ASTN2: variants seen among roughly 807,000 people sequenced by gnomAD.
ASTN2 encodes astrotactin 2, also known as astrotactin-2.
ASTN2 carries 54 observed loss-of-function variants against 139.8 expected under a neutral mutation model. The observed-to-expected ratio is 0.39, with a 90% CI of 0.31 to 0.48. ASTN2 has a LOEUF of 0.48. ASTN2 is among the 20% of genes least tolerant of loss of function. The probability of loss-of-function intolerance (pLI) is 0.95; values close to 1 mark genes in which losing one functional copy is unlikely to be tolerated. For synonymous variants in ASTN2, 756 were observed against 719.5 expected (o/e 1.05, Z -0.81); for missense variants, 1,565 against 1,725.1 (o/e 0.91, Z 1.64).
intron 3 of ASTN2, among the ~76,000 whole-genome samples, chr9:117,149,015 T>TTATTTC (rs1830266423): frequency 6.6e-6 from 1 of 151,634 alleles, no homozygotes; most frequent in Non-Finnish European, 1.5e-5. Context: ...AATTTTAAAT[T>TTATTTC]TATTTTTATT....
At chr9:117,170,969 C>T (rs1326495605) in intron 3 of ASTN2, among the ~76,000 whole-genome samples, 1 of 152,076 alleles carries the variant, frequency 6.6e-6, no homozygotes, top group African/African-American at 2.4e-5. Context: ...TGTGACAGGG[C>T]AGCATGGTTC....
intron 10 of ASTN2, among the ~76,000 whole-genome samples, chr9:116,869,322 C>T (rs1423416615): frequency 6.6e-6 from 1 of 152,168 alleles, no homozygotes; most frequent in Non-Finnish European, 1.5e-5. Context: ...CTGGTGAACA[C>T]AAATTTTGGG....
chr9:117,180,725 T>C (rs1831041356), intron 3 of ASTN2: 1 of 1,594,784 alleles, frequency 6.3e-7, no homozygotes, highest in African/African-American at 1.3e-5. Flanking sequence ...GCCCGCCACT[T>C]GTCCAGAGGG....
At chr9:116,608,805 CCCAGAA>C (rs1300494830) in intron 19 of ASTN2, among the ~76,000 whole-genome samples, 1 of 151,984 alleles carries the variant, frequency 6.6e-6, no homozygotes, top group Non-Finnish European at 1.5e-5. Flanking sequence ...TTTAAACTGA[CCCAGAA>C]CTGATCCAGT....
At chr9:116,463,504 C>T (rs148440452) in intron 20 of ASTN2, among the ~76,000 whole-genome samples, 1 of 152,302 alleles carries the variant, frequency 6.6e-6, no homozygotes, top group African/African-American at 2.4e-5. Context: ...ATGCCATTGT[C>T]CCTCAGCCTA....
chr9:117,140,455 GA>G (rs201934229), intron 4 of ASTN2, among the ~76,000 whole-genome samples: 19 of 149,736 alleles, frequency 1.3e-4, no homozygotes, highest in East Asian at 3.9e-4. Flanking sequence ...TGAGTAGATA[GA>G]AAAAAAAATG....
At chr9:117,139,704 C>G (rs562288894) in intron 4 of ASTN2, among the ~76,000 whole-genome samples, 3 of 152,168 alleles carry the variant, frequency 2.0e-5, no homozygotes, top group Admixed American at 2.0e-4. Context: ...TCAAATAACT[C>G]TCTGTCTAGC....
chr9:116,965,626 C>T (rs1180615542), intron 10 of ASTN2, among the ~76,000 whole-genome samples: 1 of 152,198 alleles, frequency 6.6e-6, no homozygotes, highest in Non-Finnish European at 1.5e-5. Flanking sequence ...ACTCCCTCAA[C>T]TTTCCTCATT....
At position 116,464,379 on chromosome 9, in the gene ASTN2, T is replaced by A. The variant is rs188256982; in HGVS notation, c.3498-21826A>T. Among the ~76,000 whole-genome samples, 435 of 152,170 alleles carry A rather than the reference T, an allele frequency of 2.9e-3. 4 individuals carry two copies. Among genetic ancestry groups the A allele is most frequent in the African/African-American group, 9.5e-3 (395 of 41,542 alleles). On this transcript the variant is annotated intron_variant, in intron 20 of 22. Coordinates refer to ENST00000313400, the MANE Select transcript of ASTN2 (RefSeq NM_001365068.1). ...TGTTTGCTATTCACTAATTGTGATT[T>A]GAACACAATAGCATCATCTCTCTAG...
intron 2 of ASTN2, among the ~76,000 whole-genome samples, chr9:117,240,528 G>A (rs896232383): frequency 1.3e-5 from 2 of 152,322 alleles, no homozygotes; most frequent in East Asian, 1.9e-4. Flanking sequence ...ACAGGAGAAA[G>A]ACATAAGATT....
At chr9:116,845,757 T>C (rs911708507) in intron 11 of ASTN2, among the ~76,000 whole-genome samples, 1 of 152,116 alleles carries the variant, frequency 6.6e-6, no homozygotes, top group African/African-American at 2.4e-5. Context: ...ATTGGAGCCC[T>C]TGCACACTCT....
intron 1 of ASTN2, among the ~76,000 whole-genome samples, chr9:117,309,271 T>G (rs1420197367): frequency 6.6e-6 from 1 of 152,224 alleles, no homozygotes; most frequent in Non-Finnish European, 1.5e-5. Context: ...TGCCACTGGC[T>G]GCATCTACTA....
At chr9:117,167,189 T>G (rs551301973) in intron 3 of ASTN2, among the ~76,000 whole-genome samples, 18 of 152,274 alleles carry the variant, frequency 1.2e-4, no homozygotes, top group Admixed American at 1.1e-3. Flanking sequence ...TATATTGATT[T>G]GTCTATAATG....
chr9:116,705,406 A>C (rs1347985716), intron 16 of ASTN2, among the ~76,000 whole-genome samples: 1 of 152,186 alleles, frequency 6.6e-6, no homozygotes, highest in East Asian at 1.9e-4. Flanking sequence ...TTACTAACTC[A>C]CTGAAATCTT....
At chr9:116,758,502 C>A (rs1465796095) in intron 13 of ASTN2, among the ~76,000 whole-genome samples, 1 of 152,118 alleles carries the variant, frequency 6.6e-6, no homozygotes, top group Non-Finnish European at 1.5e-5. Flanking sequence ...TTATTTTGGA[C>A]ATTATTGACA....
At chr9:116,862,531 C>T (rs1179331579) in intron 11 of ASTN2, among the ~76,000 whole-genome samples, 1 of 152,156 alleles carries the variant, frequency 6.6e-6, no homozygotes, top group African/African-American at 2.4e-5. Context: ...GAAAGATGTT[C>T]ACTTGTTTGC....
chr9:116,598,775 G>C (rs1854716480), intron 19 of ASTN2, among the ~76,000 whole-genome samples: 1 of 152,220 alleles, frequency 6.6e-6, no homozygotes. Flanking sequence ...TGCTAGGAGA[G>C]GATGGATAAT....
intron 1 of ASTN2, among the ~76,000 whole-genome samples, chr9:117,301,060 TGGCAAG>T (rs1306188728): frequency 1.3e-5 from 2 of 152,168 alleles, no homozygotes; most frequent in African/African-American, 4.8e-5. Flanking sequence ...TAAGAGCTAT[TGGCAAG>T]GGAGAAAAGC....
At chr9:116,906,501 C>G (rs920240259) in intron 10 of ASTN2, among the ~76,000 whole-genome samples, 1 of 152,142 alleles carries the variant, frequency 6.6e-6, no homozygotes. Context: ...GAAGACCCTT[C>G]TCTCATTCCA....
Sources: gnomAD v4.1 joint callset for allele counts (sites outside exome capture counted in the v4.1 genomes callset) on GRCh38, gnomAD v4.1.1 for gene constraint, MANE v1.5 for transcripts, NCBI Gene and HGNC (gene_info 2026-07-23, HGNC 2026-07-21) for gene names.